The following PRKCE variants were observed in gnomAD, a reference collection of about 807,000 sequenced individuals.
The protein encoded by PRKCE is protein kinase C epsilon, also known as protein kinase C epsilon type.
A neutral mutation model predicts 85.4 loss-of-function variants in PRKCE; 16 were observed. The ratio of observed to expected loss-of-function variants is 0.19; its 90% CI spans 0.13 to 0.28. PRKCE has a LOEUF of 0.28. Among genes scored for constraint, PRKCE ranks in the 10% least tolerant of loss-of-function variants. The pLI is 1.00. For missense variants in PRKCE, 573 were observed against 975.2 expected (o/e 0.59, Z 5.49); for synonymous variants, 388 against 371.5 (o/e 1.04, Z -0.51).
intron 1 of PRKCE, among the ~76,000 whole-genome samples, chr2:45,729,244 C>T (rs147738313): frequency 1.3e-5 from 2 of 152,282 alleles, no homozygotes; most frequent in Non-Finnish European, 2.9e-5. Flanking sequence ...GTGGAGGACA[C>T]AGTGCAGTCT....
At chr2:45,910,531 T>C (rs1377734305) in intron 2 of PRKCE, among the ~76,000 whole-genome samples, 1 of 152,216 alleles carries the variant, frequency 6.6e-6, no homozygotes, top group Non-Finnish European at 1.5e-5. Flanking sequence ...CTAACTTCTC[T>C]GGTTATTAGC....
chr2:46,139,233 G>C lies in PRKCE; in HGVS notation c.1593-5860G>C, dbSNP rs1675277312. On this transcript the variant is annotated intron_variant, in intron 11 of 14. Transcript: ENST00000306156. The surrounding 1 kb of genome is among the most constrained non-coding windows in gnomAD (Gnocchi z 5.2). ...GAAGTATAAATACTAAAAAGGAAGA[G>C]GTAAATTAATCATTAATAGCAGACA... is the stretch of plus-strand genomic sequence containing the variant. Among the ~76,000 whole-genome samples the C allele has an allele frequency of 6.6e-6, 1 of 152,102 alleles. No individual in the cohort carries two copies. Among genetic ancestry groups the C allele is most frequent in the Non-Finnish European group, 1.5e-5 (1 of 68,022 alleles).
intron 1 of PRKCE, among the ~76,000 whole-genome samples, chr2:45,657,178 T>C (rs2103710524): frequency 6.6e-6 from 1 of 152,354 alleles, no homozygotes; most frequent in South Asian, 2.1e-4. Flanking sequence ...CTTTGGCGAA[T>C]GTCACTCCCT....
intron 10 of PRKCE, chr2:46,010,812 G>C: frequency 6.3e-7 from 1 of 1,578,448 alleles, no homozygotes; most frequent in Non-Finnish European, 8.6e-7. Context: ...ACCAACAAGT[G>C]TGGTTAGTCC....
intron 10 of PRKCE, 198 bp downstream of exon 10, chr2:46,010,715 G>A (rs1341570750): frequency 6.3e-7 from 1 of 1,598,464 alleles, no homozygotes; most frequent in East Asian, 2.2e-5. Context: ...GGTTGTGCTT[G>A]TGAAGGGATG....
Position 45,910,041 on chromosome 2 carries a change from CCG to C in PRKCE, c.413-66386_413-66385del, listed in dbSNP as rs539059673. On this transcript the variant is annotated intron_variant, in intron 2 of 14. Coordinates refer to ENST00000306156, the MANE Select transcript of PRKCE (RefSeq NM_005400.3). ...TAAATGGCCCTTTCCAGTAAACTCACCGCCCCCCCCCAGCCAAGTGCCCAGGA... is the reference window on the plus strand; with the variant it reads ...TAAATGGCCCTTTCCAGTAAACTCACCCCCCCCCCAGCCAAGTGCCCAGGA... Among the ~76,000 whole-genome samples the C allele has an allele frequency of 6.4e-3, 874 of 135,578 alleles. 10 individuals carry two copies. Among genetic ancestry groups the C allele is most frequent in the African/African-American group, 0.022 (841 of 37,994 alleles). 88.9% of individuals were successfully genotyped at this position (135,578 alleles called of 152,430 possible). A position where few individuals can be genotyped will look rare whatever the true frequency, so the allele number is the denominator to read the frequency against.
intron 11 of PRKCE, among the ~76,000 whole-genome samples, chr2:46,086,767 T>C (rs2103910827): frequency 6.6e-6 from 1 of 152,300 alleles, no homozygotes; most frequent in East Asian, 1.9e-4. Context: ...TGAGTTTGTT[T>C]GGCTTAGTTT....
chr2:45,904,222 CT>C (rs1696800885), intron 2 of PRKCE, among the ~76,000 whole-genome samples: 1 of 152,140 alleles, frequency 6.6e-6, no homozygotes, highest in Non-Finnish European at 1.5e-5. Context: ...AGCTTTTCAG[CT>C]TTTTAGATTC....
chr2:46,122,885 T>TG (rs1444835763), intron 11 of PRKCE, among the ~76,000 whole-genome samples: 2 of 148,134 alleles, frequency 1.4e-5, no homozygotes, highest in African/African-American at 5.0e-5. Context: ...GTCTGGGTTT[T>TG]TTTTTTTTTT....
intron 6 of PRKCE, among the ~76,000 whole-genome samples, chr2:45,987,601 C>A (rs1219801922): frequency 6.6e-6 from 1 of 151,902 alleles, no homozygotes; most frequent in African/African-American, 2.4e-5. Context: ...TGGCCTCCCC[C>A]CACCAGCATC....
chr2:45,982,149 C>A (rs1702938224), intron 5 of PRKCE, among the ~76,000 whole-genome samples: 1 of 152,206 alleles, frequency 6.6e-6, no homozygotes, highest in Admixed American at 6.5e-5. Flanking sequence ...CTGGCTCTCC[C>A]CGCCACCACC....
At chr2:45,810,307 CT>C (rs1287995279) in intron 1 of PRKCE, among the ~76,000 whole-genome samples, 1 of 152,124 alleles carries the variant, frequency 6.6e-6, no homozygotes, top group African/African-American at 2.4e-5. Flanking sequence ...TCCCAAAGTG[CT>C]GGGATTACAG....
chr2:46,130,821 T>C (rs1192604983), intron 11 of PRKCE, among the ~76,000 whole-genome samples: 2 of 152,208 alleles, frequency 1.3e-5, no homozygotes, highest in African/African-American at 4.8e-5. Flanking sequence ...TTTGGACCCT[T>C]AGAGTAGCTT....
rs1705021760 is a variant in PRKCE at position 46,004,755 on chromosome 2, G to C, written c.1063+117G>C. On this transcript the variant is annotated intron_variant, in intron 8 of 14. Transcript: ENST00000306156. The surrounding 1 kb of genome is among the most constrained non-coding windows in gnomAD (Gnocchi z 4.1). ...TTAGCTGAAATAGCTAGCAGCCCTG[G>C]TGGGTTTTCACACACCCGTTGCCTG... is the stretch of plus-strand genomic sequence containing the variant. 1 of 904,398 alleles carries C rather than the reference G, an allele frequency of 1.1e-6. No homozygotes were observed. The highest frequency in any genetic ancestry group is 1.7e-6 in the Non-Finnish European group (1 of 585,834). The allele number at this position is 904,398 out of a possible 1,614,324, so 56.0% of individuals were successfully genotyped here. A position where few individuals can be genotyped will look rare whatever the true frequency, so the allele number is the denominator to read the frequency against.
At chr2:46,074,381 T>C (rs1172355066) in intron 10 of PRKCE, among the ~76,000 whole-genome samples, 2 of 150,268 alleles carry the variant, frequency 1.3e-5, no homozygotes, top group Admixed American at 6.6e-5. Context: ...GCGAGATTTC[T>C]TTCTAAGTAG....
chr2:45,992,867 C>T (rs905442570), intron 6 of PRKCE, among the ~76,000 whole-genome samples: 5 of 145,480 alleles, frequency 3.4e-5, no homozygotes, highest in African/African-American at 1.3e-4. Context: ...CCAGTGTGTC[C>T]CCAGACAACA....
At chr2:45,883,636 A>T (rs938469178) in intron 2 of PRKCE, among the ~76,000 whole-genome samples, 1 of 152,158 alleles carries the variant, frequency 6.6e-6, no homozygotes, top group African/African-American at 2.4e-5. Flanking sequence ...AGTTTTTATC[A>T]TGCCTGTGTG....
At chr2:45,917,447 A>G (rs1573868772) in intron 2 of PRKCE, among the ~76,000 whole-genome samples, 2 of 152,300 alleles carry the variant, frequency 1.3e-5, no homozygotes, top group East Asian at 1.9e-4. Context: ...CAGAGTGTCA[A>G]TTGGTGCATT....
At position 46,004,636 on chromosome 2, in the gene PRKCE, A is replaced by C; in HGVS notation, c.1061A>C (p.Gln354Pro). The change falls in exon 8 of 15, where the codon CAG becomes CCG. Residue 354 changes from glutamine to proline, a missense_variant and splice_region_variant. Gln to Pro is a moderately conservative substitution (Grantham distance 76). Transcript: ENST00000306156. The surrounding 1 kb of genome is among the most constrained non-coding windows in gnomAD (Gnocchi z 4.1). ...TCAGCACCCACCTCCCCTTGTGACC[A>C]GGGTGAGACCCTCAGATTTGCTTCC... ...SKSAPTSPCD[Q>P]EIKELENNIR... 3.2e-6 allele frequency: 5 copies of C among 1,578,898 alleles called. No homozygotes were observed. The highest frequency in any genetic ancestry group is 4.3e-6 in the Non-Finnish European group (5 of 1,168,894).
Sources: gnomAD v4.1 joint callset for allele counts (sites outside exome capture counted in the v4.1 genomes callset) on GRCh38, gnomAD v4.1.1 for gene constraint, Gnocchi (gnomAD v3.1) non-coding constraint, MANE v1.5 for transcripts, NCBI Gene and HGNC (gene_info 2026-07-23, HGNC 2026-07-21) for gene names.